The following HEXB variants were observed in gnomAD, a reference collection of about 807,000 sequenced individuals.
HEXB encodes hexosaminidase subunit beta.
Under a neutral mutation model 71.2 loss-of-function variants are expected in HEXB, and 51 were observed. The observed-to-expected ratio is 0.72, with a 90% CI of 0.57 to 0.90. HEXB has a LOEUF of 0.90. HEXB is among the 40% of genes least tolerant of loss of function. The pLI, the probability that HEXB is intolerant of heterozygous loss-of-function variation, is 0.00. For missense variants in HEXB, 617 were observed against 677.0 expected (o/e 0.91, Z 0.98); for synonymous variants, 266 against 249.3 (o/e 1.07, Z -0.63).
intron 1 of HEXB, among the ~76,000 whole-genome samples, chr5:74,642,980 A>G (rs1470142769): frequency 2.0e-5 from 3 of 152,374 alleles, no homozygotes; most frequent in South Asian, 2.1e-4. Context: ...GTGACCGTAT[A>G]CATTCGCTTC....
Position 74,641,597 on chromosome 5 carries a change from A to G in HEXB, c.-377+1039A>G, listed in dbSNP as rs1747891768. Among the ~76,000 whole-genome samples, 2 of 151,986 alleles carry G rather than the reference A, an allele frequency of 1.3e-5. No individual in the cohort carries two copies. The highest frequency in any genetic ancestry group is 2.1e-4 in the South Asian group (1 of 4,818). On this transcript the variant is annotated intron_variant, in intron 1 of 13. Transcript: ENST00000511181. This position sits in a 1 kb window ranked among gnomAD's most constrained non-coding sequence, Gnocchi z 4.1. ...CCTCCATCACCTTCTCCTGTTTTTT[A>G]TCGCTCGGTGGTGTTAGTTTGGAGT...
Position 74,685,283 on chromosome 5 carries a change from T to G in HEXB, c.23T>G (p.Leu8Arg). Residue 8 changes from leucine (L) to arginine (R), a missense_variant, in exon 1 of 14, where the codon CTG (leucine) becomes CGG (arginine). Physicochemically the swap from Leu to Arg is moderately radical, Grantham distance 102. Transcript: ENST00000261416. ...GCCATGGAGCTGTGCGGGCTGGGGCTGCCCCGGCCGCCCATGCTGCTGGCG... is the reference window on the plus strand; with the variant it reads ...GCCATGGAGCTGTGCGGGCTGGGGCGGCCCCGGCCGCCCATGCTGCTGGCG... MELCGLG[L>R]PRPPMLLALL... is the part of the protein sequence containing the mutation. 6.5e-7 allele frequency: 1 copy of G among 1,546,410 alleles called. No homozygotes were observed. Among genetic ancestry groups the G allele is most frequent in the Non-Finnish European group, 8.7e-7 (1 of 1,151,170 alleles).
chr5:74,650,934 A>G (rs922506449), intron 1 of HEXB, among the ~76,000 whole-genome samples: 38 of 151,840 alleles, frequency 2.5e-4, no homozygotes, highest in African/African-American at 8.4e-4. Flanking sequence ...TCAAAAAAAA[A>G]AAAAAAAAAA....
chr5:74,653,807 C>T (rs1748167461), intron 1 of HEXB, among the ~76,000 whole-genome samples: 1 of 152,062 alleles, frequency 6.6e-6, no homozygotes, highest in African/African-American at 2.4e-5. Flanking sequence ...GCACATAAGC[C>T]AAAATTCAAC....
intron 1 of HEXB, among the ~76,000 whole-genome samples, chr5:74,688,655 A>G (rs1426973567): frequency 2.0e-5 from 3 of 152,178 alleles, no homozygotes; most frequent in Non-Finnish European, 4.4e-5. Context: ...CAAAAAGTAA[A>G]TTTTAAAGGC....
At chr5:74,667,387 C>T (rs977171666) in intron 1 of HEXB, among the ~76,000 whole-genome samples, 2 of 152,056 alleles carry the variant, frequency 1.3e-5, no homozygotes. Flanking sequence ...CCATTGCACT[C>T]CAGCCTGGAT....
In HEXB at chr5:74,685,501, C is replaced by T; in HGVS notation, c.241C>T (p.His81Tyr). The change falls in exon 1 of 14, where the codon CAC becomes TAC. Residue 81 changes from histidine to tyrosine, a missense_variant. His to Tyr is a moderately conservative substitution (Grantham distance 83). Transcript: ENST00000261416. Reference sequence around the variant, plus strand: ...CGCCCCGGAGAACTTCTACATCAGCCACAGCCCCAATTCCACGGCGGGCCC... The same window carrying T: ...CGCCCCGGAGAACTTCTACATCAGCTACAGCCCCAATTCCACGGCGGGCCC... ...HLAPENFYISHSPNSTAGPSC... is the reference protein window; with the variant it reads ...HLAPENFYISYSPNSTAGPSC... The T allele has an allele frequency of 6.2e-7, 1 of 1,609,138 alleles. No homozygotes were observed.
In HEXB at chr5:74,718,273, A is replaced by AT. The variant is rs781099013; in HGVS notation, c.1170-11dup. 5.5e-6 allele frequency: 8 copies of AT among 1,462,580 alleles called. No individual in the cohort carries two copies. Among genetic ancestry groups the AT allele is most frequent in the Admixed American group, 1.7e-5 (1 of 59,802 alleles). The allele number at this position is 1,462,580 out of a possible 1,614,324, so 90.6% of individuals were successfully genotyped here. On this transcript the variant is annotated splice_polypyrimidine_tract_variant and intron_variant, in intron 9 of 13. Coordinates refer to ENST00000261416, the MANE Select transcript of HEXB (RefSeq NM_000521.4). ...AAGCTTATGATCTAAAATAACTATA[A>AT]TTTTTTTGTAATACTAGGGTTTTGG...
intron 1 of HEXB, among the ~76,000 whole-genome samples, chr5:74,671,247 T>C (rs1466159992): frequency 1.3e-5 from 2 of 152,128 alleles, no homozygotes; most frequent in African/African-American, 2.4e-5. Flanking sequence ...AGACCTTACG[T>C]CCACTGAACC....
chr5:74,660,605 G>T (rs986639961), intron 1 of HEXB, among the ~76,000 whole-genome samples: 7 of 152,204 alleles, frequency 4.6e-5, no homozygotes, highest in African/African-American at 1.4e-4. Context: ...CCCAATCCCA[G>T]TCAATGAGAA....
chr5:74,721,113 T>C lies in HEXB; in HGVS notation c.1614-5T>C. 1 of 1,604,118 alleles carries C rather than the reference T, an allele frequency of 6.2e-7. No individual in the cohort carries two copies. The highest frequency in any genetic ancestry group is 1.7e-5 in the Admixed American group (1 of 60,012). On this transcript the variant is annotated splice_polypyrimidine_tract_variant and splice_region_variant and intron_variant, in intron 13 of 13. Coordinates refer to ENST00000261416, the MANE Select transcript of HEXB (RefSeq NM_000521.4). ...CTAAAATATCTTTATTCATGTTATC[T>C]ACAGACGTGGAATAGCTGCACAACC...
intron 7 of HEXB, among the ~76,000 whole-genome samples, chr5:74,714,323 T>C (rs1388987482): frequency 6.6e-6 from 1 of 152,102 alleles, no homozygotes; most frequent in Admixed American, 6.5e-5. Context: ...CTGCCTAAAG[T>C]ATAAAAAAGG....
chr5:74,672,360 C>T (rs1383041197), intron 1 of HEXB, among the ~76,000 whole-genome samples: 2 of 152,232 alleles, frequency 1.3e-5, no homozygotes, highest in Non-Finnish European at 2.9e-5. Context: ...CTTTCTGGTC[C>T]TTTGCACACT....
intron 1 of HEXB, among the ~76,000 whole-genome samples, chr5:74,642,466 G>A (rs1747918826): frequency 6.6e-6 from 1 of 152,158 alleles, no homozygotes; most frequent in African/African-American, 2.4e-5. Flanking sequence ...AAGATGGGAG[G>A]CGGAAATGTG....
intron 6 of HEXB, among the ~76,000 whole-genome samples, chr5:74,708,686 A>G (rs1388160206): frequency 6.6e-6 from 1 of 151,926 alleles, no homozygotes; most frequent in Non-Finnish European, 1.5e-5. Flanking sequence ...AGATCAAAAG[A>G]GACAAAGAAG....
chr5:74,680,553 T>G (rs545929301), upstream of HEXB, among the ~76,000 whole-genome samples: 48 of 152,330 alleles, frequency 3.2e-4, no homozygotes, highest in African/African-American at 5.3e-4. Flanking sequence ...ATGAGATTTT[T>G]GGGGTTCTTG....
At chr5:74,712,319 T>C (rs528268655) in intron 6 of HEXB, among the ~76,000 whole-genome samples, 30 of 148,340 alleles carry the variant, frequency 2.0e-4, no homozygotes, top group African/African-American at 6.8e-4. Context: ...TTGGGAGATA[T>C]ACCTAATGCT....
intron 1 of HEXB, among the ~76,000 whole-genome samples, chr5:74,679,898 T>TAATTATAAAA (rs948164664): frequency 2.7e-5 from 4 of 148,252 alleles, no homozygotes. Flanking sequence ...ACCCAAGTTG[T>TAATTATAAAA]AATTATAAAA....
chr5:74,658,613 G>A (rs1748262550), intron 1 of HEXB, among the ~76,000 whole-genome samples: 1 of 152,016 alleles, frequency 6.6e-6, no homozygotes, highest in South Asian at 2.1e-4. Context: ...TGAACACTGA[G>A]GCTCAAGTAA....
Sources: allele counts gnomAD v4.1 joint callset (sites outside exome capture counted in the v4.1 genomes callset), GRCh38; gene constraint gnomAD v4.1.1; non-coding constraint Gnocchi (gnomAD v3.1); transcripts MANE v1.5; gene names NCBI Gene and HGNC (gene_info 2026-07-23, HGNC 2026-07-21).